Variants in DGKH observed in about 807,000 individuals in gnomAD.
DGKH encodes DAG kinase eta.
A neutral mutation model predicts 159.3 loss-of-function variants in DGKH; 90 were observed. That is an observed-to-expected ratio of 0.57 (90% confidence interval 0.48 to 0.67). DGKH has a LOEUF of 0.67. DGKH is among the 30% of genes least tolerant of loss of function. The pLI, the probability that DGKH is intolerant of heterozygous loss-of-function variation, is 0.00. For missense variants in DGKH, 1,181 were observed against 1,506.1 expected (o/e 0.78, Z 3.57); for synonymous variants, 536 against 553.8 (o/e 0.97, Z 0.45).
chr13:42,184,413 A>C (rs377387952), intron 13 of DGKH, among the ~76,000 whole-genome samples: 2 of 152,210 alleles, frequency 1.3e-5, no homozygotes, highest in African/African-American at 4.8e-5. Flanking sequence ...TGGGTCTAAC[A>C]TATGTAATAT....
rs1217831785 is a variant in DGKH at position 42,238,202 on chromosome 13, A to G, written c.*9014A>G. 2 of 152,212 alleles carry G rather than the reference A, an allele frequency of 1.3e-5. No individual in the cohort carries two copies. Among genetic ancestry groups the G allele is most frequent in the Non-Finnish European group, 2.9e-5 (2 of 68,022 alleles). 9.4% of individuals were successfully genotyped at this position (152,212 alleles called of 1,614,324 possible). On this transcript the variant is annotated 3_prime_UTR_variant, in exon 30 of 30. Transcript: ENST00000337343. ...TACCTAATTTTACAATTTCTTTCCCACGGTCATTTTGGATATAAAGATAGA... is the reference window on the plus strand; with the variant it reads ...TACCTAATTTTACAATTTCTTTCCCGCGGTCATTTTGGATATAAAGATAGA...
Position 42,229,169 on chromosome 13 carries a change from C to G in DGKH, c.3644C>G (p.Thr1215Ser), listed in dbSNP as rs776728594. The change falls in exon 30 of 30, where the codon ACT (threonine) becomes AGT (serine). Residue 1215 changes from threonine (T) to serine (S), a missense_variant. Physicochemically the swap from Thr to Ser is moderately conservative, Grantham distance 58 (BLOSUM62 1). Transcript: ENST00000337343. ...GGAATTAAAGAGCTTGGAAGGAGCACTCCACAGTCGGAGGTGTAATCATAT... is the reference window on the plus strand; with the variant it reads ...GGAATTAAAGAGCTTGGAAGGAGCAGTCCACAGTCGGAGGTGTAATCATAT... Reference protein sequence around the residue: ...LQGIKELGRSTPQSEV With the variant: ...LQGIKELGRSSPQSEV The G allele has an allele frequency of 6.2e-7, 1 of 1,610,330 alleles. No individual in the cohort carries two copies. The highest frequency in any genetic ancestry group is 1.7e-5 in the Admixed American group (1 of 59,112).
intron 25 of DGKH, among the ~76,000 whole-genome samples, chr13:42,214,933 G>C (rs111903867): frequency 6.6e-6 from 1 of 151,600 alleles, no homozygotes; most frequent in African/African-American, 2.4e-5. Flanking sequence ...CCTGTACCTT[G>C]TTAAAGGGCA....
At chr13:42,170,218 A>G (rs1956413281) in intron 11 of DGKH, among the ~76,000 whole-genome samples, 1 of 152,152 alleles carries the variant, frequency 6.6e-6, no homozygotes, top group Non-Finnish European at 1.5e-5. Flanking sequence ...CATTTCATCT[A>G]CCCTGGGTAT....
chr13:42,082,031 A>G (rs1472440790), intron 1 of DGKH, among the ~76,000 whole-genome samples: 1 of 152,162 alleles, frequency 6.6e-6, no homozygotes, highest in Non-Finnish European at 1.5e-5. Flanking sequence ...TTAGACAGTG[A>G]GAAATGTGGC....
At chr13:42,069,365 T>C in intron 1 of DGKH, 3 of 1,481,294 alleles carry the variant, frequency 2.0e-6, no homozygotes, top group South Asian at 2.4e-5. Flanking sequence ...CCATTCCTTT[T>C]TCCTGTTTTT....
intron 3 of DGKH, 58 bp downstream of exon 3, chr13:42,129,690 C>A (rs372421406): frequency 6.7e-7 from 1 of 1,483,956 alleles, no homozygotes; most frequent in Non-Finnish European, 9.3e-7. Flanking sequence ...CTTTCTTAAG[C>A]GTGTACAGAA....
intron 3 of DGKH, among the ~76,000 whole-genome samples, chr13:42,145,469 T>C (rs1955701409): frequency 6.6e-6 from 1 of 152,194 alleles, no homozygotes; most frequent in Admixed American, 6.5e-5. Context: ...GCTGTCAGGA[T>C]GCTCTCGGAA....
intron 1 of DGKH, chr13:42,070,846 A>G (rs1882916559): frequency 7.6e-7 from 1 of 1,315,524 alleles, no homozygotes; most frequent in Non-Finnish European, 1.1e-6. Flanking sequence ...GGGACCAGGA[A>G]TTTCAAACAC....
rs1350044129 is a variant in DGKH, at chr13:42,253,985, T to C, written n.4127+1504T>C. 4.3e-5 allele frequency among the ~76,000 whole-genome samples: 6 copies of C among 140,982 alleles called. No homozygotes were observed. The East Asian group carries it at 1.2e-3, about 29-fold the overall frequency. 92.5% of individuals were successfully genotyped at this position (140,982 alleles called of 152,430 possible). A position where few individuals can be genotyped will look rare whatever the true frequency, so the allele number is the denominator to read the frequency against. On this transcript the variant is annotated intron_variant and non_coding_transcript_variant, in intron 30 of 30. Transcript: ENST00000498255. ...ACATAGGCAGCCTCAAAATTGGGAG[T>C]GGGTTACCAAAAAAAAAAAAAAAAG...
chr13:42,240,206 C>T lies in DGKH; in HGVS notation c.*11018C>T, dbSNP rs1165526746. The T allele has an allele frequency of 1.3e-5, 2 of 152,134 alleles. No homozygotes were observed. Among genetic ancestry groups the T allele is most frequent in the Non-Finnish European group, 2.9e-5 (2 of 68,016 alleles). The allele number at this position is 152,134 out of a possible 1,614,324, so 9.4% of individuals were successfully genotyped here. A position where few individuals can be genotyped will look rare whatever the true frequency, so the allele number is the denominator to read the frequency against. ...ACTTCTCTATATTTGTGTACTTTCA[C>T]AAACAAAGGCTTAGAATTCCACATG... On this transcript the variant is annotated 3_prime_UTR_variant, in exon 30 of 30. Transcript: ENST00000337343.
chr13:42,218,038 T>A (rs1202686744), intron 26 of DGKH, among the ~76,000 whole-genome samples: 1 of 151,654 alleles, frequency 6.6e-6, no homozygotes, highest in Non-Finnish European at 1.5e-5. Flanking sequence ...CTGTCTCAAA[T>A]CATCATCATC....
chr13:42,181,201 C>T (rs1165543038), intron 13 of DGKH, among the ~76,000 whole-genome samples: 3 of 141,666 alleles, frequency 2.1e-5, no homozygotes, highest in East Asian at 2.3e-4. Flanking sequence ...GGCGTGAACC[C>T]GGGAGGCGGA....
intron 23 of DGKH, 137 bp downstream of exon 23, chr13:42,209,602 AC>A: frequency 2.8e-6 from 3 of 1,059,786 alleles, no homozygotes; most frequent in Non-Finnish European, 1.3e-6. Flanking sequence ...TGAAATATGA[AC>A]AAATATTTAT....
At chr13:42,080,848 T>C (rs1163567596) in intron 1 of DGKH, among the ~76,000 whole-genome samples, 1 of 152,168 alleles carries the variant, frequency 6.6e-6, no homozygotes, top group East Asian at 1.9e-4. Flanking sequence ...TTACAGCTTT[T>C]TATAAGATTT....
At chr13:42,194,804 T>G in intron 16 of DGKH, 81 bp from the exon 17 acceptor site, 2 of 1,444,266 alleles carry the variant, frequency 1.4e-6, no homozygotes, top group Non-Finnish European at 1.9e-6. Context: ...AAACATTATT[T>G]TATGTTTTAA....
chr13:42,253,831 C>T (rs1283536172), intron 30 of DGKH, among the ~76,000 whole-genome samples: 1 of 152,044 alleles, frequency 6.6e-6, no homozygotes, highest in Non-Finnish European at 1.5e-5. Context: ...ATATGGTAGC[C>T]ACTGGCTACA....
chr13:42,162,986 A>G (rs1423574901), intron 7 of DGKH, among the ~76,000 whole-genome samples: 2 of 150,706 alleles, frequency 1.3e-5, no homozygotes, highest in African/African-American at 2.4e-5. Context: ...AGCATTAGGT[A>G]TATCTCCTAA....
intron 1 of DGKH, among the ~76,000 whole-genome samples, chr13:42,093,525 T>G (rs1044762702): frequency 6.6e-6 from 1 of 152,170 alleles, no homozygotes; most frequent in Non-Finnish European, 1.5e-5. Flanking sequence ...TCAAAAGAAT[T>G]GAAAGCAGGG....
Sources: gnomAD v4.1 joint callset for allele counts (sites outside exome capture counted in the v4.1 genomes callset) on GRCh38, gnomAD v4.1.1 for gene constraint, MANE v1.5 for transcripts, NCBI Gene and HGNC (gene_info 2026-07-23, HGNC 2026-07-21) for gene names.